IRAK1BP1: variants seen among roughly 807,000 people sequenced by gnomAD.
IRAK1BP1 encodes interleukin-1 receptor-associated kinase 1-binding protein 1.
IRAK1BP1 carries 24 observed loss-of-function variants against 28.0 expected under a neutral mutation model. The ratio of observed to expected loss-of-function variants is 0.86; its 90% CI spans 0.62 to 1.20. The LOEUF (loss-of-function observed/expected upper bound fraction) is 1.20, where lower values mean the gene tolerates loss of function less well. IRAK1BP1 is among the 50% of genes most tolerant of loss of function. The pLI is 0.00. For synonymous variants in IRAK1BP1, 131 were observed against 116.3 expected (o/e 1.13, Z -0.81); for missense variants, 336 against 316.7 (o/e 1.06, Z -0.46).
intron 2 of IRAK1BP1, among the ~76,000 whole-genome samples, chr6:78,888,703 AC>A (rs1356540367): frequency 6.6e-6 from 1 of 151,966 alleles, no homozygotes. Flanking sequence ...ATGGGATTTC[AC>A]CATGTTGGCC....
the IRAK1BP1 span, among the ~76,000 whole-genome samples, chr6:78,963,448 G>A: frequency 1.3e-5 from 2 of 152,078 alleles, no homozygotes; most frequent in African/African-American, 2.4e-5. Flanking sequence ...GATACTATAA[G>A]TAATTCTCTA....
chr6:78,889,488 A>T (rs1336004069), intron 2 of IRAK1BP1, among the ~76,000 whole-genome samples: 1 of 152,026 alleles, frequency 6.6e-6, no homozygotes, highest in Non-Finnish European at 1.5e-5. Flanking sequence ...GTGAAGAGGC[A>T]ACCTTCAGAA....
intron 2 of IRAK1BP1, among the ~76,000 whole-genome samples, chr6:78,897,555 T>A (rs558465555): frequency 1.4e-4 from 21 of 152,294 alleles, no homozygotes; most frequent in Middle Eastern, 3.4e-3. Context: ...TAATAAGGTT[T>A]AAGGGAAACT....
chr6:78,920,441 A>G (rs1194179227), intron 4 of IRAK1BP1, among the ~76,000 whole-genome samples: 1 of 152,216 alleles, frequency 6.6e-6, no homozygotes, highest in Non-Finnish European at 1.5e-5. Flanking sequence ...ACATGGACCA[A>G]TGCAACAGAA....
chr6:78,973,424 T>C, the IRAK1BP1 span, among the ~76,000 whole-genome samples: 9 of 146,396 alleles, frequency 6.1e-5, no homozygotes, highest in African/African-American at 2.3e-4. Context: ...TGCAAAATCA[T>C]GCCAAAATGT....
rs769344926 is a variant in IRAK1BP1 at position 78,945,302 on chromosome 6, T to G, written c.*68-106T>G. On this transcript the variant is annotated intron_variant and NMD_transcript_variant, in intron 4 of 4. Transcript: ENST00000606868. ...GAAAGATACAAGTAATACCTTACCT[T>G]GCTCAATGACAGCTGATGACTTTGA... 5.0e-6 allele frequency: 8 copies of G among 1,600,698 alleles called. No individual in the cohort carries two copies. In the East Asian group the frequency reaches 1.8e-4, roughly 36 times the overall value.
the IRAK1BP1 span, chr6:78,956,124 T>C: frequency 1.3e-5 from 2 of 152,382 alleles, no homozygotes; most frequent in Admixed American, 1.3e-4. Context: ...CAATTTGTCC[T>C]AACCCTTCTC....
In IRAK1BP1 at chr6:78,912,240, T is replaced by C. The variant is rs150858416; in HGVS notation, c.*67+9130T>C. 6.4e-4 allele frequency among the ~76,000 whole-genome samples: 98 copies of C among 152,076 alleles called. 1 individual carries two copies. The South Asian group carries it at 8.1e-3, about 13-fold the overall frequency. ...TTTTTACATCTGATCAGATTTAGAC[T>C]CTCTATAGTGCCAGAATAGAGAGCA... On this transcript the variant is annotated intron_variant and NMD_transcript_variant, in intron 4 of 4. Transcript: ENST00000606868.
At chr6:78,946,271 A>T in exon 5 of IRAK1BP1, 1 of 1,608,472 alleles carries the variant, frequency 6.2e-7, no homozygotes, top group Middle Eastern at 1.7e-4. Flanking sequence ...CTGTAAATAA[A>T]ATAGTATTGT....
intron 4 of IRAK1BP1, among the ~76,000 whole-genome samples, chr6:78,911,967 A>G (rs1176208838): frequency 6.6e-6 from 1 of 152,150 alleles, no homozygotes; most frequent in Non-Finnish European, 1.5e-5. Flanking sequence ...TGTGAAATAT[A>G]TGGAAGCTTT....
intron 4 of IRAK1BP1, among the ~76,000 whole-genome samples, chr6:78,912,713 T>C (rs1005219057): frequency 6.6e-6 from 1 of 152,184 alleles, no homozygotes; most frequent in African/African-American, 2.4e-5. Flanking sequence ...ATAAATATTA[T>C]ATAGCAATAA....
intron 2 of IRAK1BP1, among the ~76,000 whole-genome samples, chr6:78,893,374 T>G (rs1387930436): frequency 2.1e-5 from 3 of 145,860 alleles, no homozygotes; most frequent in African/African-American, 7.5e-5. Context: ...TATTAATATA[T>G]CCAGCAAAAG....
chr6:78,903,109 A>G, downstream of IRAK1BP1: 2 of 1,427,198 alleles, frequency 1.4e-6, no homozygotes, highest in Non-Finnish European at 1.9e-6. Context: ...TGGACTCTGA[A>G]TGTAAGTTGG....
chr6:78,948,270 T>C (rs1029146268), downstream of IRAK1BP1, among the ~76,000 whole-genome samples: 1 of 152,198 alleles, frequency 6.6e-6, no homozygotes, highest in Non-Finnish European at 1.5e-5. Context: ...TTGGGAGTTT[T>C]GCTTTGCAGT....
intron 1 of IRAK1BP1, among the ~76,000 whole-genome samples, chr6:78,883,490 TAA>T (rs1370399089): frequency 6.6e-6 from 1 of 152,158 alleles, no homozygotes; most frequent in Non-Finnish European, 1.5e-5. Context: ...AAAATAGCAA[TAA>T]AAGATACTTT....
chr6:78,963,361 ATTTG>A, the IRAK1BP1 span: 1 of 757,656 alleles, frequency 1.3e-6, no homozygotes, highest in Non-Finnish European at 2.0e-6. Context: ...TTTTGTATAG[ATTTG>A]TAAATATACT....
chr6:78,903,151 G>A, downstream of IRAK1BP1: 2 of 1,060,734 alleles, frequency 1.9e-6, no homozygotes, highest in African/African-American at 1.6e-5. Context: ...AGAAGACTAA[G>A]AAAAAGCATA....
chr6:78,928,409 T>TG (rs1232636811), intron 4 of IRAK1BP1, among the ~76,000 whole-genome samples: 5 of 151,944 alleles, frequency 3.3e-5, no homozygotes, highest in Admixed American at 3.3e-4. Flanking sequence ...TTAATAGTTT[T>TG]TGTGTGTGTG....
At chr6:78,913,058 G>A (rs1287690379) in intron 4 of IRAK1BP1, among the ~76,000 whole-genome samples, 3 of 152,134 alleles carry the variant, frequency 2.0e-5, no homozygotes, top group Non-Finnish European at 1.5e-5. Flanking sequence ...AGTCATGGCC[G>A]GGTGCGGTAG....
Sources: allele counts gnomAD v4.1 joint callset (sites outside exome capture counted in the v4.1 genomes callset), GRCh38; gene constraint gnomAD v4.1.1; transcripts MANE v1.5; gene names NCBI Gene and HGNC (gene_info 2026-07-23, HGNC 2026-07-21).